ENDOV: variants seen among roughly 807,000 people sequenced by gnomAD.
The protein encoded by ENDOV is endonuclease V, also known as hEndoV.
ENDOV carries 37 observed loss-of-function variants against 39.4 expected under a neutral mutation model. The ratio of observed to expected loss-of-function variants is 0.94; its 90% confidence interval spans 0.72 to 1.23. The LOEUF (loss-of-function observed/expected upper bound fraction) is 1.23. ENDOV is among the 50% of genes most tolerant of loss of function. The probability of loss-of-function intolerance (pLI) is 0.00; values close to 1 mark genes in which losing one functional copy is unlikely to be tolerated. For missense variants in ENDOV, 441 were observed against 375.7 expected, an observed-to-expected ratio of 1.17 and a Z score of -1.44; for synonymous variants, 186 against 163.4, an observed-to-expected ratio of 1.14 and a Z score of -1.05.
At chr17:80,426,088 A>G (rs2082654342) in intron 7 of ENDOV, among the ~76,000 whole-genome samples, 1 of 152,180 alleles carries the variant, frequency 6.6e-6, no homozygotes. Flanking sequence ...ACCCAGCACA[A>G]AACTGGTGTT....
At chr17:80,422,281 T>C (rs533074161) in intron 4 of ENDOV, 36 bp downstream of exon 4, 1 of 1,611,126 alleles carries the variant, frequency 6.2e-7, no homozygotes, top group African/African-American at 1.3e-5. Context: ...GAGGGCACTG[T>C]GGGGAAGAGC....
rs546512014 is a variant in ENDOV at position 80,427,374 on chromosome 17, C to T, written c.715-1222C>T. On this transcript the variant is annotated intron_variant, in intron 7 of 9. Coordinates refer to ENST00000518137, the MANE Select transcript of ENDOV (RefSeq NM_173627.5). Reference sequence around the variant, plus strand: ...TCCTGTACCTTTTTCTGCCTCAGCGCGCCCCAGAGTAGGACAGTGGCCCAT... The same window carrying T: ...TCCTGTACCTTTTTCTGCCTCAGCGTGCCCCAGAGTAGGACAGTGGCCCAT... The T allele has an allele frequency of 2.8e-5, 27 of 965,048 alleles. No homozygotes were observed. The East Asian group carries it at 2.0e-3, about 70-fold the overall frequency. The allele number at this position is 965,048 out of a possible 1,614,324, so 59.8% of individuals were successfully genotyped here. A position where few individuals can be genotyped will look rare whatever the true frequency, so the allele number is the denominator to read the frequency against.
chr17:80,421,638 A>T (rs553425820), intron 2 of ENDOV, among the ~76,000 whole-genome samples, 190 bp from the exon 3 acceptor site: 1 of 152,198 alleles, frequency 6.6e-6, no homozygotes, highest in African/African-American at 2.4e-5. Context: ...CCTGCCCACC[A>T]CCAATTTGCA....
At position 80,429,831 on chromosome 17, in the gene ENDOV, G is replaced by C; in HGVS notation, c.838G>C (p.Ala280Pro). The C allele has an allele frequency of 6.2e-7, 1 of 1,612,780 alleles. No homozygotes were observed. Among genetic ancestry groups the C allele is most frequent in the African/African-American group, 1.3e-5 (1 of 75,064 alleles). The change falls in exon 9 of 10, where the codon GCA becomes CCA. Residue 280 changes from alanine to proline, a missense_variant and splice_region_variant. By Grantham distance (27) the Ala-to-Pro change is conservative (BLOSUM62 -1). Transcript: ENST00000518137. Reference protein sequence around the residue: ...CPKGDSGESSALC With the variant: ...CPKGDSGESSPLC ...CAAAGGAGACTCCGGAGAGTCCTCA[G>C]GTGAGGGCCAGCCCCCACAGGACCA...
rs2083594255 is a variant in ENDOV at position 80,436,316 on chromosome 17, A to T, written c.*173A>T. Reference sequence around the variant, plus strand: ...ACGTCCTCGTCTCGTTCCTGATCGAACGTGGTGGTGAGAGCACACGTCCTT... The same window carrying T: ...ACGTCCTCGTCTCGTTCCTGATCGATCGTGGTGGTGAGAGCACACGTCCTT... On this transcript the variant is annotated 3_prime_UTR_variant, in exon 10 of 10. Transcript: ENST00000518137. The T allele has an allele frequency of 6.3e-7, 1 of 1,575,494 alleles. No individual in the cohort carries two copies. Among genetic ancestry groups the T allele is most frequent in the East Asian group, 2.3e-5 (1 of 43,778 alleles).
At chr17:80,430,498 C>A in intron 9 of ENDOV, 3 of 712,846 alleles carry the variant, frequency 4.2e-6, no homozygotes, top group South Asian at 1.8e-5. Context: ...TGCCCTGACA[C>A]GGGAGGGGTC....
In ENDOV at chr17:80,422,208, CCTT is replaced by C. The variant is rs2082131201; in HGVS notation, c.370_372del (p.Leu124del). The C allele has an allele frequency of 3.7e-6, 6 of 1,613,708 alleles. No homozygotes were observed. The highest frequency in any genetic ancestry group is 5.1e-6 in the Non-Finnish European group (6 of 1,179,810). On this transcript the variant is annotated inframe_deletion, in exon 4 of 10. Coordinates refer to ENST00000518137, the MANE Select transcript of ENDOV (RefSeq NM_173627.5). ...TGACTCTCCCTGTGGCTCCATAGGTCCTTCTTGTGGATGGAAACGGGGTACTCC... is the reference window on the plus strand; with the variant it reads ...TGACTCTCCCTGTGGCTCCATAGGTCCTTGTGGATGGAAACGGGGTACTCC...
At chr17:80,432,687 T>C (rs2083401635) in intron 9 of ENDOV, among the ~76,000 whole-genome samples, 1 of 152,002 alleles carries the variant, frequency 6.6e-6, no homozygotes, top group Admixed American at 6.6e-5. Flanking sequence ...AGAACAGGGC[T>C]CCTCAGGCAG....
Position 80,425,092 on chromosome 17 carries a change from C to G in ENDOV, c.577C>G (p.Leu193Val). The change falls in exon 6 of 10, where the codon CTG becomes GTG. Residue 193 changes from leucine to valine, a missense_variant. Transcript: ENST00000518137. ...TCTGCTGGGAGACTCTGGGACTGTC[C>G]TGGGAATGGTGAGTAGCTAGGGCCC... ...FPLLGDSGTV[L>V]GMALRSHDRS... is the part of the protein sequence containing the mutation. 1 of 1,609,244 alleles carries G rather than the reference C, an allele frequency of 6.2e-7. No individual in the cohort carries two copies. The highest frequency in any genetic ancestry group is 1.1e-5 in the South Asian group (1 of 89,918).
chr17:80,415,950 G>A (rs1470772240), intron 2 of ENDOV, 129 bp downstream of exon 2: 8 of 1,245,094 alleles, frequency 6.4e-6, no homozygotes, highest in Non-Finnish European at 8.7e-6. Context: ...AATAGTCTGG[G>A]GAGTTGGCCG....
At chr17:80,429,438 C>T (rs1568248749) in intron 8 of ENDOV, among the ~76,000 whole-genome samples, 1 of 152,230 alleles carries the variant, frequency 6.6e-6, no homozygotes, top group South Asian at 2.1e-4. Flanking sequence ...GGGATTCGCC[C>T]TGCCCTCGCC....
chr17:80,415,431 G>A (rs2080959584), intron 1 of ENDOV, 181 bp downstream of exon 1: 2 of 994,196 alleles, frequency 2.0e-6, no homozygotes, highest in Non-Finnish European at 2.9e-6. Context: ...CCGCGGGGTG[G>A]GCGCGGTTCT....
intron 9 of ENDOV, among the ~76,000 whole-genome samples, chr17:80,433,765 C>A (rs993923469): frequency 6.6e-6 from 1 of 152,188 alleles, no homozygotes; most frequent in African/African-American, 2.4e-5. Flanking sequence ...GTTGGTTCCT[C>A]AAGGACCATG....
intron 2 of ENDOV, 140 bp downstream of exon 2, chr17:80,415,961 G>T: frequency 9.0e-7 from 1 of 1,113,006 alleles, no homozygotes. Context: ...GAGTTGGCCG[G>T]GCGCGGTGGC....
chr17:80,417,048 C>G (rs1254532077), intron 2 of ENDOV: 2 of 152,276 alleles, frequency 1.3e-5, no homozygotes, highest in Non-Finnish European at 2.9e-5. Flanking sequence ...AACCACCACA[C>G]CCAGCCCACA....
chr17:80,417,941 C>T (rs1030224457), intron 2 of ENDOV: 35 of 152,210 alleles, frequency 2.3e-4, no homozygotes, highest in Admixed American at 2.2e-3. Flanking sequence ...TGCTGACTCC[C>T]GAAGGTGACA....
intron 8 of ENDOV, 136 bp downstream of exon 8, chr17:80,428,796 G>T (rs956340490): frequency 5.5e-5 from 45 of 818,916 alleles, no homozygotes; most frequent in Admixed American, 1.4e-4. Context: ...GAAGGCAGGG[G>T]ACACAGGAGA....
intron 7 of ENDOV, 160 bp from the exon 8 acceptor site, chr17:80,428,436 C>T (rs1457136370): frequency 1.9e-5 from 13 of 687,716 alleles, no homozygotes; most frequent in Admixed American, 5.4e-5. Flanking sequence ...GTCCCACACT[C>T]GCTGACAGGG....
chr17:80,436,026 A>G (rs998518591), intron 9 of ENDOV, 107 bp from the exon 10 acceptor site: 4 of 1,293,850 alleles, frequency 3.1e-6, no homozygotes, highest in Non-Finnish European at 4.4e-6. Context: ...AAGTGCTGAG[A>G]TTACAGGCGC....
Sources: gnomAD v4.1 joint callset for allele counts (sites outside exome capture counted in the v4.1 genomes callset) on GRCh38, gnomAD v4.1.1 for gene constraint, MANE v1.5 for transcripts, NCBI Gene and HGNC (gene_info 2026-07-23, HGNC 2026-07-21) for gene names.